The following PLA2G4C variants were observed in gnomAD, a reference collection of about 807,000 sequenced individuals.
The protein encoded by PLA2G4C is phospholipase A2 group IVC.
Under a neutral mutation model 73.8 loss-of-function variants are expected in PLA2G4C, and 64 were observed. That is an observed-to-expected ratio of 0.87 (90% confidence interval 0.71 to 1.07). The LOEUF (loss-of-function observed/expected upper bound fraction) is 1.07. Among genes scored for constraint, PLA2G4C ranks in the 50% least tolerant of loss-of-function variants. PLA2G4C has a pLI of 0.00. For synonymous variants in PLA2G4C, 254 were observed against 252.1 expected (o/e 1.01, Z -0.07); for missense variants, 622 against 665.4 (o/e 0.93, Z 0.72).
At chr19:48,105,027 G>C (rs1387791009) in intron 3 of PLA2G4C, among the ~76,000 whole-genome samples, 2 of 145,008 alleles carry the variant, frequency 1.4e-5, no homozygotes, top group Non-Finnish European at 3.0e-5. Context: ...AGGTTGCAGT[G>C]AGCCAAGATC....
In PLA2G4C at chr19:48,074,784, T is replaced by G; in HGVS notation, c.989A>C (p.Glu330Ala). The G allele has an allele frequency of 1.2e-6, 2 of 1,612,868 alleles. No individual in the cohort carries two copies. Among genetic ancestry groups the G allele is most frequent in the East Asian group, 4.5e-5 (2 of 44,854 alleles). Residue 330 changes from glutamate to alanine, a missense_variant, in exon 12 of 17, where the codon GAG becomes GCG. By Grantham distance (107) the Glu-to-Ala change is moderately radical. Transcript: ENST00000599921. ...CATGGTACCTTTCCTTTCGGGGTCCTCATGGGGCTGCTCCTGCTTTTCCAG... is the reference window on the plus strand; with the variant it reads ...CATGGTACCTTTCCTTTCGGGGTCCGCATGGGGCTGCTCCTGCTTTTCCAG... ...TSLEKQEQPH[E>A]DPERKGSLSN...
chr19:48,076,238 G>A (rs2030147643), intron 11 of PLA2G4C, among the ~76,000 whole-genome samples: 1 of 152,206 alleles, frequency 6.6e-6, no homozygotes, highest in African/African-American at 2.4e-5. Flanking sequence ...AGCCACACTT[G>A]CATCTTCCAC....
chr19:48,110,578 GT>G lies in PLA2G4C; in HGVS notation c.-125del. On this transcript the variant is annotated 5_prime_UTR_variant, in exon 1 of 17. Transcript: ENST00000599921. Reference sequence around the variant, plus strand: ...GCTTGGGCTCCCTGCGCTTAGCGGTGTAGTCGCTGGACAGCTCCTTCAGCCG... The same window carrying G: ...GCTTGGGCTCCCTGCGCTTAGCGGTGAGTCGCTGGACAGCTCCTTCAGCCG... 2.9e-6 allele frequency: 1 copy of G among 347,330 alleles called. No homozygotes were observed. Among genetic ancestry groups the G allele is most frequent in the Non-Finnish European group, 3.7e-6 (1 of 269,994 alleles). 21.5% of individuals were successfully genotyped at this position (347,330 alleles called of 1,614,324 possible).
chr19:48,090,107 A>C, intron 8 of PLA2G4C: 1 of 469,616 alleles, frequency 2.1e-6, no homozygotes, highest in East Asian at 3.6e-5. Flanking sequence ...AAACCGAGGC[A>C]CAGAGAGGTT....
chr19:48,082,072 CTG>C (rs2122583590), intron 10 of PLA2G4C, among the ~76,000 whole-genome samples: 2 of 152,144 alleles, frequency 1.3e-5, no homozygotes, highest in East Asian at 3.9e-4. Context: ...CAGAGTGAGA[CTG>C]TCACAAAAAA....
rs1190835549 is a variant in PLA2G4C, at chr19:48,067,943, C to T, written c.1007-57G>A. 6.5e-6 allele frequency: 8 copies of T among 1,231,396 alleles called. No individual in the cohort carries two copies. In the Admixed American group the frequency reaches 1.2e-4, roughly 18 times the overall value. The allele number at this position is 1,231,396 out of a possible 1,614,324, so 76.3% of individuals were successfully genotyped here. ...GTTCAGGAGACTGAGTGGTTTCTGC[C>T]CCCACCAAAGTCATATGTGGAAGCC... On this transcript the variant is annotated intron_variant, in intron 12 of 16. Transcript: ENST00000599921.
At position 48,052,999 on chromosome 19, in the gene PLA2G4C, G is replaced by C. The variant is rs758436126; in HGVS notation, c.1578C>G (p.Ala526=). The stretch of plus-strand genomic sequence containing the variant: ...AGCGACTATGGTCTCCCACCTACCC[G>C]GCCACGTTCATCAACTCTCTAAGGA... The part of the protein sequence containing the change: ...KKILRELMNV[A]GLYYPKDSAR... Residue 526 remains alanine (A), a splice_region_variant and synonymous_variant, in exon 16 of 17, where the codon GCC becomes GCG. Coordinates refer to ENST00000599921, the MANE Select transcript of PLA2G4C (RefSeq NM_003706.3). 1 of 1,606,460 alleles carries C rather than the reference G, an allele frequency of 6.2e-7. No homozygotes were observed. Among genetic ancestry groups the C allele is most frequent in the Non-Finnish European group, 8.5e-7 (1 of 1,174,598 alleles).
At chr19:48,084,597 A>G (rs79334422) in intron 10 of PLA2G4C, among the ~76,000 whole-genome samples, 4,181 of 152,162 alleles carry the variant, frequency 0.027, 150 homozygotes, top group African/African-American at 0.084. Context: ...CTGGCCTCAA[A>G]TGATCCGCCC....
intron 14 of PLA2G4C, among the ~76,000 whole-genome samples, chr19:48,059,516 C>T (rs1346763411): frequency 6.6e-6 from 1 of 152,066 alleles, no homozygotes; most frequent in Non-Finnish European, 1.5e-5. Context: ...AAGACTCACC[C>T]ACAGTGTGGG....
intron 6 of PLA2G4C, among the ~76,000 whole-genome samples, chr19:48,097,364 T>C (rs1187874713): frequency 6.8e-6 from 1 of 146,120 alleles, no homozygotes; most frequent in Non-Finnish European, 1.5e-5. Flanking sequence ...GCCATTCTCC[T>C]GCCTCAGCCT....
chr19:48,074,646 C>T (rs1472592642), intron 12 of PLA2G4C, 121 bp downstream of exon 12: 1 of 733,212 alleles, frequency 1.4e-6, no homozygotes, highest in African/African-American at 1.8e-5. Context: ...CCAAACTGTA[C>T]CAGTGGGACA....
chr19:48,092,548 T>G (rs1303543879), intron 7 of PLA2G4C, among the ~76,000 whole-genome samples: 2 of 152,198 alleles, frequency 1.3e-5, no homozygotes, highest in Non-Finnish European at 2.9e-5. Flanking sequence ...ATGTGGTATA[T>G]TCGTACAATG....
chr19:48,049,431 C>G (rs548562745), intron 16 of PLA2G4C, among the ~76,000 whole-genome samples: 1 of 152,244 alleles, frequency 6.6e-6, no homozygotes, highest in South Asian at 2.1e-4. Context: ...CACGTTCGGT[C>G]GTCTCCATGG....
At chr19:48,095,415 C>T in intron 7 of PLA2G4C, 49 bp downstream of exon 7, 2 of 1,580,928 alleles carry the variant, frequency 1.3e-6, no homozygotes, top group Non-Finnish European at 1.7e-6. Context: ...ATTCTTGCCT[C>T]TCCTCCACTT....
At chr19:48,087,458 G>T (rs1187025499) in intron 9 of PLA2G4C, among the ~76,000 whole-genome samples, 1 of 152,204 alleles carries the variant, frequency 6.6e-6, no homozygotes, top group Admixed American at 6.5e-5. Flanking sequence ...GTTTAGGCTT[G>T]CATAAGAGAC....
chr19:48,099,330 G>A (rs2031777177), intron 5 of PLA2G4C, among the ~76,000 whole-genome samples: 1 of 152,092 alleles, frequency 6.6e-6, no homozygotes, highest in South Asian at 2.1e-4. Flanking sequence ...AAGCAGAGAT[G>A]GAGAGGAAAG....
At chr19:48,069,363 T>C (rs1968572118) in intron 12 of PLA2G4C, among the ~76,000 whole-genome samples, 1 of 152,132 alleles carries the variant, frequency 6.6e-6, no homozygotes, top group South Asian at 2.1e-4. Context: ...CCAGGAGCTG[T>C]TCCAAAATGC....
intron 14 of PLA2G4C, among the ~76,000 whole-genome samples, chr19:48,055,919 C>T (rs928964800): frequency 6.6e-6 from 1 of 151,900 alleles, no homozygotes; most frequent in Non-Finnish European, 1.5e-5. Context: ...CCACCGCGCC[C>T]GGCCGTAAAG....
At chr19:48,085,635 CT>C (rs2030928150) in intron 9 of PLA2G4C, among the ~76,000 whole-genome samples, 1 of 151,962 alleles carries the variant, frequency 6.6e-6, no homozygotes, top group Non-Finnish European at 1.5e-5. Context: ...ACACTGTGAA[CT>C]TTTTTTTCAA....
Sources: allele counts gnomAD v4.1 joint callset (sites outside exome capture counted in the v4.1 genomes callset), GRCh38; gene constraint gnomAD v4.1.1; transcripts MANE v1.5; gene names NCBI Gene and HGNC (gene_info 2026-07-23, HGNC 2026-07-21).